Variants in TMEM184B observed in about 807,000 individuals in gnomAD.
TMEM184B encodes the protein transmembrane protein 184B.
In TMEM184B, 17 loss-of-function variants were observed where a neutral mutation model predicts 41.8. The observed-to-expected ratio is 0.41, with a 90% CI of 0.28 to 0.61. The LOEUF is 0.61. Among genes scored for constraint, TMEM184B ranks in the 20% least tolerant of loss-of-function variants. The probability of loss-of-function intolerance (pLI) is 0.34; values close to 1 mark genes in which losing one functional copy is unlikely to be tolerated. For missense variants in TMEM184B, 393 were observed against 557.8 expected, an observed-to-expected ratio of 0.70 and a Z score of 2.98; for synonymous variants, 240 against 229.5, an observed-to-expected ratio of 1.05 and a Z score of -0.41.
intron 1 of TMEM184B, among the ~76,000 whole-genome samples, chr22:38,259,306 C>A (rs1194768165): frequency 2.0e-5 from 3 of 152,146 alleles, no homozygotes; most frequent in Non-Finnish European, 4.4e-5. Flanking sequence ...GAATAATCCC[C>A]CAAAGATGTT....
At chr22:38,254,385 A>G (rs929866049) in intron 1 of TMEM184B, among the ~76,000 whole-genome samples, 2 of 152,160 alleles carry the variant, frequency 1.3e-5, no homozygotes, top group Non-Finnish European at 2.9e-5. Context: ...GGATCACTTG[A>G]AGCCAGGAAT....
At chr22:38,217,511 G>A (rs1189207321), downstream of TMEM184B, among the ~76,000 whole-genome samples, 4 of 151,412 alleles carry the variant, frequency 2.6e-5, no homozygotes, top group Non-Finnish European at 4.4e-5. Context: ...GCATGGTGGC[G>A]GGCGCCTGTA....
In TMEM184B at chr22:38,220,669, A is replaced by G. The variant is rs2091233462; in HGVS notation, c.*800T>C. ...CCCCTGAGCCCTGAAGCAGCCAGGA[A>G]GCAAGGGCTCTGCCCAAAGCTATCG... is the stretch of plus-strand genomic sequence containing the variant. On this transcript the variant is annotated 3_prime_UTR_variant, in exon 9 of 9. Coordinates refer to ENST00000361906, the MANE Select transcript of TMEM184B (RefSeq NM_012264.5). 1 of 986,192 alleles carries G rather than the reference A, an allele frequency of 1.0e-6. No homozygotes were observed. The highest frequency in any genetic ancestry group is 1.2e-6 in the Non-Finnish European group (1 of 830,178). The allele number at this position is 986,192 out of a possible 1,614,324, so 61.1% of individuals were successfully genotyped here. A position where few individuals can be genotyped will look rare whatever the true frequency, so the allele number is the denominator to read the frequency against.
At chr22:38,241,883 C>CAAAAAAAAAAAAAAAAAAAAAAA (rs34060428) in intron 3 of TMEM184B, among the ~76,000 whole-genome samples, 2 of 32,612 alleles carry the variant, frequency 6.1e-5, no homozygotes, top group East Asian at 1.1e-3. Flanking sequence ...GACTCCGTCT[C>CAAAAAAAAAAAAAAAAAAAAAAA]AAAAAAAAAA....
At chr22:38,232,578 G>A (rs12167190) in intron 3 of TMEM184B, among the ~76,000 whole-genome samples, 41,307 of 152,022 alleles carry the variant, frequency 0.27, 6,145 homozygotes, top group Admixed American at 0.36. Context: ...AAGGCACAAG[G>A]CCAAGGGGAG....
chr22:38,261,477 A>G (rs1309379116), intron 1 of TMEM184B, among the ~76,000 whole-genome samples: 1 of 152,160 alleles, frequency 6.6e-6, no homozygotes, highest in African/African-American at 2.4e-5. Flanking sequence ...AATCATGTAC[A>G]TATCTGTCAC....
At chr22:38,252,367 A>G (rs1236697016) in intron 1 of TMEM184B, among the ~76,000 whole-genome samples, 1 of 151,994 alleles carries the variant, frequency 6.6e-6, no homozygotes, top group Non-Finnish European at 1.5e-5. Context: ...GTCTCCCATT[A>G]TTTCCCTAAT....
intron 1 of TMEM184B, among the ~76,000 whole-genome samples, chr22:38,268,431 C>A (rs2092475012): frequency 1.3e-5 from 2 of 151,304 alleles, no homozygotes; most frequent in African/African-American, 2.4e-5. Context: ...TTAGTACCTG[C>A]ACCACATTAG....
chr22:38,245,904 C>A (rs757597520), intron 3 of TMEM184B, 31 bp downstream of exon 3: 1 of 1,479,658 alleles, frequency 6.8e-7, no homozygotes, highest in Non-Finnish European at 9.2e-7. Context: ...CAGCCCCCCG[C>A]CAGCCCTCCC....
chr22:38,238,227 CTTTT>C (rs1029386970), intron 3 of TMEM184B, among the ~76,000 whole-genome samples: 8 of 137,552 alleles, frequency 5.8e-5, no homozygotes, highest in Non-Finnish European at 1.1e-4. Flanking sequence ...CTATCAACTT[CTTTT>C]TTTTTTTTTT....
At chr22:38,251,253 G>A (rs755169324) in intron 1 of TMEM184B, among the ~76,000 whole-genome samples, 22 of 152,184 alleles carry the variant, frequency 1.4e-4, no homozygotes, top group Admixed American at 1.3e-4. Flanking sequence ...GGGCAACCCC[G>A]GTGGTTTACA....
chr22:38,261,626 C>T lies in TMEM184B; in HGVS notation c.-59+11258G>A, dbSNP rs9622765. Among the ~76,000 whole-genome samples the T allele has an allele frequency of 2.2e-3, 329 of 152,322 alleles. 1 individual carries two copies. The highest frequency in any genetic ancestry group is 0.01 in the Middle Eastern group (3 of 294). On this transcript the variant is annotated intron_variant, in intron 1 of 8. Coordinates refer to ENST00000361906, the MANE Select transcript of TMEM184B (RefSeq NM_012264.5). ...CTAATTTTGATGATCTCAGTTTTCT[C>T]TCAAATTGAGAACAATGGACCAACG...
chr22:38,264,388 T>C (rs1393030584), intron 1 of TMEM184B, among the ~76,000 whole-genome samples: 1 of 150,514 alleles, frequency 6.6e-6, no homozygotes, highest in African/African-American at 2.5e-5. Flanking sequence ...CCCATGAAGA[T>C]GAGCAGGCAG....
At chr22:38,254,697 C>T (rs1484208670) in intron 1 of TMEM184B, among the ~76,000 whole-genome samples, 1 of 152,142 alleles carries the variant, frequency 6.6e-6, no homozygotes, top group Admixed American at 6.6e-5. Flanking sequence ...CATCCCATAC[C>T]TGGGTACCAA....
downstream of TMEM184B, among the ~76,000 whole-genome samples, chr22:38,218,538 G>A (rs1322406068): frequency 1.3e-5 from 2 of 152,070 alleles, no homozygotes; most frequent in East Asian, 3.9e-4. Flanking sequence ...GGCTGGGTAT[G>A]GGGCCCGCGG....
chr22:38,220,741 G>C lies in TMEM184B; in HGVS notation c.*728C>G, dbSNP rs530808411. 6.1e-6 allele frequency: 6 copies of C among 986,312 alleles called. No individual in the cohort carries two copies. The highest frequency in any genetic ancestry group is 7.2e-6 in the Non-Finnish European group (6 of 830,276). 61.1% of individuals were successfully genotyped at this position (986,312 alleles called of 1,614,324 possible). Reference sequence around the variant, plus strand: ...GCAGTGCGGGCTGTGGGCTGTCCTTGGTAGGCCAGGGGGAAGGGGCATGAG... The same window carrying C: ...GCAGTGCGGGCTGTGGGCTGTCCTTCGTAGGCCAGGGGGAAGGGGCATGAG... On this transcript the variant is annotated 3_prime_UTR_variant, in exon 9 of 9. Coordinates refer to ENST00000361906, the MANE Select transcript of TMEM184B (RefSeq NM_012264.5).
rs2091425919 is a variant in TMEM184B at position 38,226,024 on chromosome 22, CACAG to C, written c.618-435_618-432del. On this transcript the variant is annotated intron_variant, in intron 6 of 8. Coordinates refer to ENST00000361906, the MANE Select transcript of TMEM184B (RefSeq NM_012264.5). The surrounding 1 kb of genome is among the most constrained non-coding windows in gnomAD (Gnocchi z 4.6). ...GCCCTGGCAGGGCTGTTACACAGTT[CACAG>C]ACAGTGTGTGCCGAGAGCTTGAAAG... is the stretch of plus-strand genomic sequence containing the variant. 6.6e-6 allele frequency among the ~76,000 whole-genome samples: 1 copy of C among 152,064 alleles called. No individual in the cohort carries two copies. Among genetic ancestry groups the C allele is most frequent in the South Asian group, 2.1e-4 (1 of 4,830 alleles).
intron 3 of TMEM184B, among the ~76,000 whole-genome samples, chr22:38,232,630 C>T (rs2091664389): frequency 6.6e-6 from 1 of 152,178 alleles, no homozygotes; most frequent in African/African-American, 2.4e-5. Context: ...GCCACGGTGG[C>T]CCTCCAGCCA....
chr22:38,237,302 G>C (rs866447399), intron 3 of TMEM184B, among the ~76,000 whole-genome samples: 10 of 152,220 alleles, frequency 6.6e-5, no homozygotes, highest in Admixed American at 2.6e-4. Context: ...CTCAGTACTT[G>C]CCCTCTCACG....
Sources: gnomAD v4.1 joint callset for allele counts (sites outside exome capture counted in the v4.1 genomes callset) on GRCh38, gnomAD v4.1.1 for gene constraint, Gnocchi (gnomAD v3.1) non-coding constraint, MANE v1.5 for transcripts, NCBI Gene and HGNC (gene_info 2026-07-23, HGNC 2026-07-21) for gene names.